WDFY2: variants seen among roughly 807,000 people sequenced by gnomAD.
WDFY2 encodes WD repeat and FYVE domain containing 2, also known as WD repeat and FYVE domain-containing protein 2.
Under a neutral mutation model 56.4 loss-of-function variants are expected in WDFY2, and 36 were observed. That is an observed-to-expected ratio of 0.64 (90% CI 0.49 to 0.84). The LOEUF (loss-of-function observed/expected upper bound fraction) is 0.84. Ranked by LOEUF, WDFY2 falls within the 40% of genes least tolerant of loss-of-function variation. The pLI, the probability that WDFY2 is intolerant of heterozygous loss-of-function variation, is 0.00. For missense variants in WDFY2, 444 were observed against 512.2 expected, an observed-to-expected ratio of 0.87 and a Z score of 1.29; for synonymous variants, 176 against 183.7, an observed-to-expected ratio of 0.96 and a Z score of 0.34.
At chr13:51,611,140 G>T (rs1285167431) in intron 1 of WDFY2, among the ~76,000 whole-genome samples, 1 of 152,184 alleles carries the variant, frequency 6.6e-6, no homozygotes, top group Admixed American at 6.5e-5. Flanking sequence ...CACCAACAAG[G>T]CAGGGATTTT....
chr13:51,744,343 T>G (rs934705589), intron 7 of WDFY2, among the ~76,000 whole-genome samples: 36 of 152,230 alleles, frequency 2.4e-4, no homozygotes, highest in African/African-American at 8.0e-4. Flanking sequence ...GATGTTAGCT[T>G]GTGTCTGAGA....
chr13:51,646,007 A>G (rs1209392459), intron 1 of WDFY2, among the ~76,000 whole-genome samples: 1 of 152,152 alleles, frequency 6.6e-6, no homozygotes, highest in African/African-American at 2.4e-5. Flanking sequence ...GACACCCTAC[A>G]TCCAGCCAGC....
chr13:51,615,719 G>A (rs1481574811), intron 1 of WDFY2, among the ~76,000 whole-genome samples: 5 of 152,244 alleles, frequency 3.3e-5, no homozygotes, highest in African/African-American at 7.2e-5. Flanking sequence ...GTTAAGTAAC[G>A]ACTTTGCAAA....
chr13:51,693,838 C>T (rs561374436), intron 3 of WDFY2, among the ~76,000 whole-genome samples: 3 of 152,014 alleles, frequency 2.0e-5, no homozygotes, highest in Non-Finnish European at 4.4e-5. Context: ...ATAGGTCACT[C>T]AGGACTTGCT....
chr13:51,653,155 T>C (rs1566074559), intron 1 of WDFY2, among the ~76,000 whole-genome samples: 1 of 152,240 alleles, frequency 6.6e-6, no homozygotes, highest in Non-Finnish European at 1.5e-5. Flanking sequence ...TTCATTCACT[T>C]GATCTTCCAT....
At chr13:51,632,879 T>C (rs1954977926) in intron 1 of WDFY2, among the ~76,000 whole-genome samples, 1 of 152,204 alleles carries the variant, frequency 6.6e-6, no homozygotes, top group African/African-American at 2.4e-5. Context: ...AATTTGTTCA[T>C]TATTGGTAAC....
intron 5 of WDFY2, among the ~76,000 whole-genome samples, 170 bp from the exon 6 acceptor site, chr13:51,727,508 A>G (rs943508916): frequency 6.6e-6 from 1 of 152,226 alleles, no homozygotes; most frequent in Admixed American, 6.5e-5. Context: ...ACTGTCCAAT[A>G]ATACAGTATG....
intron 1 of WDFY2, among the ~76,000 whole-genome samples, chr13:51,638,591 G>C (rs1342927561): frequency 2.0e-5 from 3 of 152,206 alleles, no homozygotes; most frequent in African/African-American, 7.2e-5. Flanking sequence ...AATGAGATCA[G>C]AGGGTTAATC....
chr13:51,600,579 T>C (rs892056127), intron 1 of WDFY2, among the ~76,000 whole-genome samples: 2 of 152,162 alleles, frequency 1.3e-5, no homozygotes, highest in Admixed American at 1.3e-4. Flanking sequence ...ACTCCCAGAA[T>C]TGCGGAATTC....
chr13:51,666,532 G>A (rs1190426952), intron 2 of WDFY2, among the ~76,000 whole-genome samples: 4 of 152,062 alleles, frequency 2.6e-5, no homozygotes, highest in African/African-American at 7.2e-5. Context: ...ATGGAGGGAG[G>A]GCTAGTCTCT....
chr13:51,640,728 T>G (rs1392269307), intron 1 of WDFY2, among the ~76,000 whole-genome samples: 1 of 151,354 alleles, frequency 6.6e-6, no homozygotes, highest in Admixed American at 6.6e-5. Flanking sequence ...TGGGTGCCTG[T>G]CATCCCAGCT....
At chr13:51,674,647 C>CA (rs1955857524) in intron 2 of WDFY2, among the ~76,000 whole-genome samples, 2 of 151,948 alleles carry the variant, frequency 1.3e-5, no homozygotes, top group South Asian at 2.1e-4. Flanking sequence ...AGGCCAAAAG[C>CA]AAAAAACTCC....
chr13:51,740,933 T>C (rs1161468351), intron 7 of WDFY2, among the ~76,000 whole-genome samples: 1 of 152,230 alleles, frequency 6.6e-6, no homozygotes, highest in Non-Finnish European at 1.5e-5. Flanking sequence ...CACGATTTCA[T>C]GCACCAGATG....
intron 4 of WDFY2, among the ~76,000 whole-genome samples, chr13:51,716,070 A>G (rs1952339294): frequency 6.6e-6 from 1 of 152,226 alleles, no homozygotes; most frequent in Non-Finnish European, 1.5e-5. Context: ...AGTACATGCT[A>G]CAAAATGGTT....
At chr13:51,629,506 A>G (rs1954908608) in intron 1 of WDFY2, among the ~76,000 whole-genome samples, 1 of 152,098 alleles carries the variant, frequency 6.6e-6, no homozygotes, top group African/African-American at 2.4e-5. Context: ...TTCTCTATTT[A>G]TTTATAAGGG....
intron 1 of WDFY2, among the ~76,000 whole-genome samples, chr13:51,636,715 A>G (rs1333634314): frequency 1.3e-5 from 2 of 152,190 alleles, no homozygotes; most frequent in Non-Finnish European, 2.9e-5. Flanking sequence ...ATCCATCTAG[A>G]TACATGTGAG....
intron 1 of WDFY2, among the ~76,000 whole-genome samples, chr13:51,622,948 C>T (rs1249298537): frequency 6.0e-5 from 9 of 150,616 alleles, no homozygotes. Context: ...GCCTCCACCT[C>T]CCGGGTTCAA....
chr13:51,664,402 G>A (rs1955664831), intron 2 of WDFY2, among the ~76,000 whole-genome samples: 1 of 152,180 alleles, frequency 6.6e-6, no homozygotes, highest in South Asian at 2.1e-4. Context: ...ATTTTACTGG[G>A]AACATATAAA....
intron 1 of WDFY2, among the ~76,000 whole-genome samples, chr13:51,658,772 G>A (rs1955559026): frequency 6.6e-6 from 1 of 152,116 alleles, no homozygotes; most frequent in Non-Finnish European, 1.5e-5. Context: ...ATTTACCATT[G>A]TATCTGTTCA....
Sources: allele counts gnomAD v4.1 joint callset (sites outside exome capture counted in the v4.1 genomes callset), GRCh38; gene constraint gnomAD v4.1.1; transcripts MANE v1.5; gene names NCBI Gene and HGNC (gene_info 2026-07-23, HGNC 2026-07-21).